EPHA6: variants seen among roughly 807,000 people sequenced by gnomAD.
EPHA6 encodes ephrin type-A receptor 6.
EPHA6 carries 50 observed loss-of-function variants against 112.0 expected under a neutral mutation model. The ratio of observed to expected loss-of-function variants is 0.45; its 90% confidence interval spans 0.36 to 0.56. EPHA6 has a LOEUF of 0.56. EPHA6 is among the 20% of genes least tolerant of loss of function. The probability of loss-of-function intolerance (pLI) is 0.00; values close to 1 mark genes in which losing one functional copy is unlikely to be tolerated. For synonymous variants in EPHA6, 529 were observed against 490.7 expected (o/e 1.08, Z -1.03); for missense variants, 1,280 against 1,417.4 (o/e 0.90, Z 1.56).
At chr3:97,032,008 T>C (rs2044869906) in intron 3 of EPHA6, among the ~76,000 whole-genome samples, 1 of 152,280 alleles carries the variant, frequency 6.6e-6, no homozygotes, top group East Asian at 1.9e-4. Context: ...GTATGTTTAT[T>C]GTGGCACTAT....
At chr3:97,012,611 A>G (rs867236574) in intron 3 of EPHA6, among the ~76,000 whole-genome samples, 10 of 144,686 alleles carry the variant, frequency 6.9e-5, no homozygotes, top group Non-Finnish European at 1.1e-4. Context: ...GTGTGTGTAT[A>G]TATATATATA....
chr3:97,304,620 A>C (rs1174715642), intron 5 of EPHA6, among the ~76,000 whole-genome samples: 1 of 152,052 alleles, frequency 6.6e-6, no homozygotes. Context: ...TCTTTGATAA[A>C]CCTGACAAAA....
chr3:97,182,442 G>A (rs1435125899), intron 3 of EPHA6, among the ~76,000 whole-genome samples: 5 of 151,362 alleles, frequency 3.3e-5, no homozygotes, highest in African/African-American at 4.8e-5. Flanking sequence ...AGAAATGCAC[G>A]GAATTTTTAG....
chr3:96,929,371 T>C (rs930898623), intron 2 of EPHA6, among the ~76,000 whole-genome samples: 2 of 152,238 alleles, frequency 1.3e-5, no homozygotes, highest in Non-Finnish European at 2.9e-5. Context: ...TGGCTGCTAA[T>C]GGTTTTTCCT....
At chr3:97,644,295 A>G (rs1233395258) in intron 14 of EPHA6, among the ~76,000 whole-genome samples, 1 of 149,290 alleles carries the variant, frequency 6.7e-6, no homozygotes, top group Non-Finnish European at 1.5e-5. Flanking sequence ...AGCAGTGTGT[A>G]GAGGGAAATT....
chr3:97,235,213 T>C (rs942034441), intron 4 of EPHA6, among the ~76,000 whole-genome samples: 1 of 152,144 alleles, frequency 6.6e-6, no homozygotes, highest in African/African-American at 2.4e-5. Flanking sequence ...TGCTTCCTCA[T>C]TTGTTGTCAT....
chr3:97,212,921 C>T (rs2077916301), intron 3 of EPHA6, among the ~76,000 whole-genome samples: 1 of 152,132 alleles, frequency 6.6e-6, no homozygotes, highest in African/African-American at 2.4e-5. Context: ...AACAAACTAA[C>T]TGAAAACAAC....
At chr3:97,320,028 G>A (rs779521714) in intron 5 of EPHA6, among the ~76,000 whole-genome samples, 2 of 151,946 alleles carry the variant, frequency 1.3e-5, no homozygotes, top group South Asian at 2.1e-4. Flanking sequence ...GACCTGCTTC[G>A]TTCTCTCCTC....
chr3:97,169,379 A>T (rs914298739), intron 3 of EPHA6, among the ~76,000 whole-genome samples: 2 of 152,194 alleles, frequency 1.3e-5, no homozygotes, highest in African/African-American at 4.8e-5. Flanking sequence ...TGGAATACAC[A>T]TTCATTCAGT....
At chr3:97,501,036 A>T (rs368656819) in intron 10 of EPHA6, among the ~76,000 whole-genome samples, 14 of 152,164 alleles carry the variant, frequency 9.2e-5, no homozygotes, top group East Asian at 3.8e-4. Flanking sequence ...ATTTGGGATA[A>T]CAGTTCTGGA....
chr3:97,481,528 G>A, intron 9 of EPHA6: 2 of 872,032 alleles, frequency 2.3e-6, no homozygotes, highest in South Asian at 1.3e-5. Context: ...GCTAAGTGCA[G>A]GCCCGGGGGT....
At chr3:96,929,004 G>A (rs1436236328) in intron 2 of EPHA6, among the ~76,000 whole-genome samples, 1 of 152,038 alleles carries the variant, frequency 6.6e-6, no homozygotes, top group Admixed American at 6.6e-5. Flanking sequence ...TTGAGCCTTT[G>A]TGTGTCTTTG....
chr3:97,639,253 A>G (rs2093980428), intron 14 of EPHA6, among the ~76,000 whole-genome samples: 1 of 152,008 alleles, frequency 6.6e-6, no homozygotes, highest in African/African-American at 2.4e-5. Flanking sequence ...AAAGTCTATC[A>G]GTTCTGAAAA....
chr3:97,094,206 T>G (rs1160482983), intron 3 of EPHA6, among the ~76,000 whole-genome samples: 1 of 152,176 alleles, frequency 6.6e-6, no homozygotes, highest in African/African-American at 2.4e-5. Context: ...TATGTTATGT[T>G]TAGTTGCATA....
chr3:96,839,595 A>C (rs755818435), intron 1 of EPHA6, among the ~76,000 whole-genome samples: 4 of 152,058 alleles, frequency 2.6e-5, no homozygotes, highest in Non-Finnish European at 5.9e-5. Context: ...AAGAAATGAG[A>C]AATAATATTA....
chr3:97,478,808 T>G (rs1345397891), intron 8 of EPHA6, among the ~76,000 whole-genome samples: 1 of 152,044 alleles, frequency 6.6e-6, no homozygotes, highest in East Asian at 1.9e-4. Flanking sequence ...TGTTGAAGAA[T>G]TTACTCATAT....
At chr3:97,514,780 T>C (rs2092421730) in intron 10 of EPHA6, among the ~76,000 whole-genome samples, 1 of 152,054 alleles carries the variant, frequency 6.6e-6, no homozygotes, top group Non-Finnish European at 1.5e-5. Context: ...CTCTCCACAC[T>C]CATGCACCTA....
chr3:97,720,534 T>C (rs2034479095), intron 15 of EPHA6, 124 bp downstream of exon 15: 3 of 780,696 alleles, frequency 3.8e-6, no homozygotes, highest in African/African-American at 3.6e-5. Flanking sequence ...TCATGGTCTA[T>C]GGCTGAGTTT....
intron 11 of EPHA6, among the ~76,000 whole-genome samples, chr3:97,573,573 A>G (rs1479377700): frequency 6.6e-6 from 1 of 151,832 alleles, no homozygotes; most frequent in Admixed American, 6.6e-5. Flanking sequence ...TGAGATTTTT[A>G]TTTATTTTTT....
Sources: allele counts gnomAD v4.1 joint callset (sites outside exome capture counted in the v4.1 genomes callset), GRCh38; gene constraint gnomAD v4.1.1; transcripts MANE v1.5; gene names NCBI Gene and HGNC (gene_info 2026-07-23, HGNC 2026-07-21).